Variants in ASB15 observed in about 807,000 individuals in gnomAD.
The protein encoded by ASB15 is ankyrin repeat and SOCS box containing 15.
Under a neutral mutation model 58.0 loss-of-function variants are expected in ASB15, and 54 were observed. The observed-to-expected ratio is 0.93, with a 90% CI of 0.75 to 1.17. The LOEUF is 1.17. Ranked by LOEUF, ASB15 falls within the 50% of genes most tolerant of loss-of-function variation. The pLI is 0.00. For missense variants in ASB15, 680 were observed against 707.4 expected, an observed-to-expected ratio of 0.96 and a Z score of 0.44; for synonymous variants, 249 against 262.4, an observed-to-expected ratio of 0.95 and a Z score of 0.50.
In ASB15 at chr7:123,609,269, G is replaced by A. The variant is rs116293678; in HGVS notation, c.-3+615G>A. On this transcript the variant is annotated intron_variant, in intron 3 of 11. Coordinates refer to ENST00000451215, the MANE Select transcript of ASB15 (RefSeq NM_001290258.2). ...TGTCCCTTCGTATCACTTCCTACTA[G>A]ATCCTAGCCTTAAACTTTCTGCCAT... Among the ~76,000 whole-genome samples the A allele has an allele frequency of 8.0e-3, 1,221 of 152,106 alleles. 15 individuals are homozygous for A. The highest frequency in any genetic ancestry group is 0.028 in the African/African-American group (1,142 of 41,494).
rs777850060 is a variant in ASB15 at position 123,630,129 on chromosome 7, A to C, written c.1594+10A>C. The C allele has an allele frequency of 1.3e-5, 20 of 1,555,184 alleles. 1 individual carries two copies. The South Asian group carries it at 1.5e-4, about 11-fold the overall frequency. ...ATCCGCCAAATACTAGGTAAAAACC[A>C]AAAGTTTTGCCTACAATTTTTAAAT... On this transcript the variant is annotated intron_variant, in intron 11 of 11. Transcript: ENST00000451215.
intron 1 of ASB15, among the ~76,000 whole-genome samples, chr7:123,594,381 G>T (rs184738504): frequency 3.9e-5 from 6 of 152,082 alleles, no homozygotes; most frequent in African/African-American, 1.2e-4. Context: ...GGAATTTTCA[G>T]CCTTTCTGCT....
rs551160161 is a variant in ASB15, at chr7:123,636,778, T to A, written c.1595-31T>A. The stretch of plus-strand genomic sequence containing the variant: ...AGGGGCCAATCCACTATTTAAAAAA[T>A]TTTTTTGCTTATTTTCCCGATTTCT... On this transcript the variant is annotated intron_variant, in intron 11 of 11. Transcript: ENST00000451215. 142 of 1,568,954 alleles carry A rather than the reference T, an allele frequency of 9.1e-5. No homozygotes were observed. In the African/African-American group the frequency reaches 1.1e-3, roughly 12 times the overall value.
intron 1 of ASB15, among the ~76,000 whole-genome samples, chr7:123,583,965 T>C (rs920650070): frequency 2.0e-5 from 3 of 151,946 alleles, no homozygotes; most frequent in Admixed American, 2.0e-4. Flanking sequence ...TGTAAATATT[T>C]TTCTTCCCTT....
intron 11 of ASB15, among the ~76,000 whole-genome samples, chr7:123,633,627 G>A (rs1213339523): frequency 6.6e-6 from 1 of 152,092 alleles, no homozygotes; most frequent in East Asian, 1.9e-4. Flanking sequence ...GTGTGTGTGT[G>A]TGTGTGCACG....
At chr7:123,591,906 T>C (rs557252165) in intron 1 of ASB15, among the ~76,000 whole-genome samples, 1 of 152,212 alleles carries the variant, frequency 6.6e-6, no homozygotes, top group Non-Finnish European at 1.5e-5. Flanking sequence ...CTGGTAGAAT[T>C]TGGCTGTGAA....
chr7:123,601,442 T>G (rs1260699344), upstream of ASB15, among the ~76,000 whole-genome samples: 1 of 152,158 alleles, frequency 6.6e-6, no homozygotes, highest in Non-Finnish European at 1.5e-5. Flanking sequence ...AAATTTGACC[T>G]GAATCTGAAA....
chr7:123,572,142 T>TC (rs1798926199), intron 1 of ASB15, among the ~76,000 whole-genome samples: 1 of 127,292 alleles, frequency 7.9e-6, no homozygotes, highest in African/African-American at 3.1e-5. Flanking sequence ...TTTTTTTTTT[T>TC]TTTTTTTTTT....
intron 8 of ASB15, among the ~76,000 whole-genome samples, chr7:123,625,525 G>A (rs1387323395): frequency 6.6e-6 from 1 of 152,158 alleles, no homozygotes; most frequent in Non-Finnish European, 1.5e-5. Flanking sequence ...TATACTAGCA[G>A]TATTCCCAAA....
rs73718442 is a variant in ASB15 at position 123,629,226 on chromosome 7, T to C, written c.1232T>C (p.Met411Thr). 2,205 of 1,613,996 alleles carry C rather than the reference T, an allele frequency of 1.4e-3. 40 individuals are homozygous for C. In the African/African-American group the frequency reaches 0.027, roughly 20 times the overall value. ...SHGANVNCYF[M>T]HVNDTRFPSV... ...GGAGCTAATGTCAATTGTTATTTTA[T>C]GCATGTGAATGACACTCGTTTCCCC... is the stretch of plus-strand genomic sequence containing the variant. The change falls in exon 10 of 12, where the codon ATG becomes ACG. Residue 411 changes from methionine to threonine, a missense_variant. Met to Thr is a moderately conservative substitution (Grantham distance 81). Transcript: ENST00000451215.
intron 1 of ASB15, chr7:123,584,769 A>G (rs1031600882): frequency 3.9e-5 from 6 of 152,014 alleles, no homozygotes; most frequent in African/African-American, 1.4e-4. Context: ...CTATTGAAGA[A>G]TAAATATGTC....
Position 123,629,448 on chromosome 7 carries a change from T to C in ASB15, c.1440+14T>C, listed in dbSNP as rs1802006540. 2 of 1,565,544 alleles carry C rather than the reference T, an allele frequency of 1.3e-6. No homozygotes were observed. The highest frequency in any genetic ancestry group is 2.2e-5 in the East Asian group (1 of 44,668). On this transcript the variant is annotated intron_variant, in intron 10 of 11. Transcript: ENST00000451215. ...AAAGATAACCCGGTGAGTTATGCCT[T>C]TTCTGCTTTATATTGAGTTATCATC...
chr7:123,569,969 C>T (rs1328957116), intron 1 of ASB15, among the ~76,000 whole-genome samples: 3 of 150,276 alleles, frequency 2.0e-5, no homozygotes, highest in Non-Finnish European at 4.4e-5. Flanking sequence ...GGAAAAACTG[C>T]ACTATGATGG....
At chr7:123,619,585 G>A (rs542686349) in intron 7 of ASB15, among the ~76,000 whole-genome samples, 17 of 152,028 alleles carry the variant, frequency 1.1e-4, no homozygotes, top group South Asian at 2.1e-4. Flanking sequence ...GTGCAGTGGC[G>A]CAATCTCGGC....
intron 1 of ASB15, among the ~76,000 whole-genome samples, chr7:123,570,337 G>C (rs999281065): frequency 6.6e-6 from 1 of 152,032 alleles, no homozygotes; most frequent in Non-Finnish European, 1.5e-5. Flanking sequence ...CGCCCAGCCT[G>C]CCATAGCTCT....
chr7:123,635,583 CTTTTTTTTTTT>C (rs5887149), intron 11 of ASB15, among the ~76,000 whole-genome samples: 1 of 81,696 alleles, frequency 1.2e-5, no homozygotes, highest in African/African-American at 4.9e-5. Context: ...AAATTAATTG[CTTTTTTTTTTT>C]TTTTTTTTTT....
intron 1 of ASB15, among the ~76,000 whole-genome samples, chr7:123,603,399 T>C (rs62474491): frequency 0.17 from 25,975 of 152,188 alleles, 2,772 homozygotes; most frequent in East Asian, 0.4. Flanking sequence ...TGTAGTATCA[T>C]AGATAACTGT....
chr7:123,611,017 AG>A lies in ASB15; in HGVS notation c.-3+2365del, dbSNP rs1800408872. Among the ~76,000 whole-genome samples the A allele has an allele frequency of 3.0e-5, 4 of 131,990 alleles. No individual in the cohort carries two copies. In the South Asian group the frequency reaches 1.1e-3, roughly 35 times the overall value. The allele number at this position is 131,990 out of a possible 152,430, so 86.6% of individuals were successfully genotyped here. A position where few individuals can be genotyped will look rare whatever the true frequency, so the allele number is the denominator to read the frequency against. On this transcript the variant is annotated intron_variant, in intron 3 of 11. Transcript: ENST00000451215. ...GAATCACTCGAACCCAGCAGGCGGGAGGTTGCAGTGAGCCAAGATTGTGCCG... is the reference window on the plus strand; with the variant it reads ...GAATCACTCGAACCCAGCAGGCGGGAGTTGCAGTGAGCCAAGATTGTGCCG...
intron 1 of ASB15, chr7:123,596,401 T>C (rs958117753): frequency 6.6e-5 from 10 of 151,588 alleles, no homozygotes; most frequent in African/African-American, 2.4e-4. Flanking sequence ...AACTCAGGAG[T>C]TTGAAACCAG....
Sources: allele counts gnomAD v4.1 joint callset (sites outside exome capture counted in the v4.1 genomes callset), GRCh38; gene constraint gnomAD v4.1.1; transcripts MANE v1.5; gene names NCBI Gene and HGNC (gene_info 2026-07-23, HGNC 2026-07-21).